Variants in TNRC6C observed in about 807,000 individuals in gnomAD.
The protein encoded by TNRC6C is trinucleotide repeat containing adaptor 6C.
TNRC6C carries 20 observed loss-of-function variants against 153.7 expected under a neutral mutation model. The observed-to-expected ratio is 0.13, with a 90% CI of 0.09 to 0.19. TNRC6C has a LOEUF of 0.19. Among genes scored for constraint, TNRC6C ranks in the 10% least tolerant of loss-of-function variants. The pLI, the probability that TNRC6C is intolerant of heterozygous loss-of-function variation, is 1.00. For synonymous variants in TNRC6C, 811 were observed against 841.4 expected (o/e 0.96, Z 0.63); for missense variants, 1,987 against 2,172.0 (o/e 0.91, Z 1.69).
In TNRC6C at chr17:78,079,385, C is replaced by T. The variant is rs1422713974; in HGVS notation, c.3211-10C>T. 20 of 1,613,516 alleles carry T rather than the reference C, an allele frequency of 1.2e-5. No homozygotes were observed. In the East Asian group the frequency reaches 2.2e-4, roughly 18 times the overall value. ...GCCTTGGTAACGTGTTTAATTCTGTCCCTGTGCAGATACCGAGTGGCAATC... is the reference window on the plus strand; with the variant it reads ...GCCTTGGTAACGTGTTTAATTCTGTTCCTGTGCAGATACCGAGTGGCAATC... On this transcript the variant is annotated splice_polypyrimidine_tract_variant and intron_variant, in intron 9 of 19. Transcript: ENST00000301624. This position sits in a 1 kb window ranked among gnomAD's most constrained non-coding sequence, Gnocchi z 4.3.
chr17:77,983,863 G>A (rs930253023), intron 1 of TNRC6C, among the ~76,000 whole-genome samples: 1 of 152,150 alleles, frequency 6.6e-6, no homozygotes, highest in Non-Finnish European at 1.5e-5. Context: ...ATTTTAAGGA[G>A]TAATTAATAT....
chr17:78,072,890 A>G (rs1260471990), intron 6 of TNRC6C, 147 bp from the exon 9 acceptor site: 16 of 531,126 alleles, frequency 3.0e-5, no homozygotes, highest in Non-Finnish European at 5.0e-5. Context: ...TTCAAAAGAC[A>G]TTGTCTCTAA....
intron 2 of TNRC6C, among the ~76,000 whole-genome samples, chr17:78,036,969 CAGTT>C (rs1429697561): frequency 6.6e-6 from 1 of 151,324 alleles, no homozygotes; most frequent in African/African-American, 2.4e-5. Flanking sequence ...CTTAGTCTGA[CAGTT>C]ATTTATTTCA....
chr17:78,011,436 T>C (rs529537922), intron 1 of TNRC6C, among the ~76,000 whole-genome samples: 1 of 152,362 alleles, frequency 6.6e-6, no homozygotes, highest in South Asian at 2.1e-4. Context: ...GAGGGACTCC[T>C]ACACTGTGCA....
At position 77,991,827 on chromosome 17, in the gene TNRC6C, A is replaced by G. The variant is rs532800498; in HGVS notation, c.-37-12343A>G. Among the ~76,000 whole-genome samples the G allele has an allele frequency of 7.9e-5, 12 of 152,338 alleles. 1 individual carries two copies. Among genetic ancestry groups the G allele is most frequent in the African/African-American group, 2.9e-4 (12 of 41,568 alleles). On this transcript the variant is annotated intron_variant, in intron 1 of 22. Transcript: ENST00000636222. ...TGTCACTTTTGGACCGCAGTGAAGAATATATGCTCTTTAGGGATACAGCGT... is the reference window on the plus strand; with the variant it reads ...TGTCACTTTTGGACCGCAGTGAAGAGTATATGCTCTTTAGGGATACAGCGT...
In TNRC6C at chr17:78,067,464, G is replaced by C. The variant is rs1333323632; in HGVS notation, c.2612-293G>C. Among the ~76,000 whole-genome samples the C allele has an allele frequency of 3.9e-5, 6 of 152,198 alleles. No individual in the cohort carries two copies. The South Asian group carries it at 1.0e-3, about 26-fold the overall frequency. The stretch of plus-strand genomic sequence containing the variant: ...TTGCCACCTTCCCTGGTGGCCCCAG[G>C]ATTTGTTCTTAGCATGTTTATGTTT... On this transcript the variant is annotated intron_variant, in intron 4 of 19. Coordinates refer to ENST00000301624, the Ensembl canonical transcript of TNRC6C.
intron 1 of TNRC6C, among the ~76,000 whole-genome samples, chr17:77,968,094 C>T (rs907887799): frequency 9.2e-5 from 14 of 152,224 alleles, no homozygotes; most frequent in Admixed American, 7.2e-4. Context: ...AGTGCTGTGG[C>T]ATGGTCTCAG....
upstream of TNRC6C, among the ~76,000 whole-genome samples, chr17:77,958,028 G>A (rs1048767538): frequency 3.3e-5 from 5 of 152,100 alleles, no homozygotes; most frequent in Non-Finnish European, 7.3e-5. Context: ...GAGCGACTGA[G>A]CGCAAGGGCG....
At position 78,006,583 on chromosome 17, in the gene TNRC6C, T is replaced by C. The variant is rs192289510; in HGVS notation, c.-546+1504T>C. On this transcript the variant is annotated intron_variant, in intron 1 of 19. Transcript: ENST00000301624. Reference sequence around the variant, plus strand: ...CTTCCTTCTTCCTTCTTCCTTCTTCTTCCTTCTTCCTTCTTCCTCCTTCTT... The same window carrying C: ...CTTCCTTCTTCCTTCTTCCTTCTTCCTCCTTCTTCCTTCTTCCTCCTTCTT... 8.1e-3 allele frequency among the ~76,000 whole-genome samples: 1,174 copies of C among 145,458 alleles called. 33 individuals carry two copies. The highest frequency in any genetic ancestry group is 0.029 in the African/African-American group (1,112 of 37,892).
intron 1 of TNRC6C, chr17:78,008,556 C>G (rs1002570633): frequency 1.4e-4 from 21 of 152,350 alleles, no homozygotes; most frequent in Admixed American, 1.2e-3. Flanking sequence ...GTTTCTTCCT[C>G]TTGACTCCCC....
At chr17:77,961,695 A>AT (rs1394155051) in intron 1 of TNRC6C, among the ~76,000 whole-genome samples, 1 of 152,150 alleles carries the variant, frequency 6.6e-6, no homozygotes, top group African/African-American at 2.4e-5. Context: ...TTACATTTAT[A>AT]TTTAGTTGGC....
At chr17:77,987,083 T>G (rs144906766) in intron 1 of TNRC6C, among the ~76,000 whole-genome samples, 96 of 152,242 alleles carry the variant, frequency 6.3e-4, no homozygotes, top group African/African-American at 2.3e-3. Context: ...AGACAAAAAC[T>G]GGGGGAAGTG....
At chr17:77,974,065 A>G (rs1474994674) in intron 1 of TNRC6C, among the ~76,000 whole-genome samples, 12 of 149,324 alleles carry the variant, frequency 8.0e-5, no homozygotes, top group South Asian at 2.1e-4. Context: ...GGGAGGGGGG[A>G]GAGAGAGAGA....
At chr17:78,013,112 CCA>C (rs1491494720) in intron 1 of TNRC6C, among the ~76,000 whole-genome samples, 2 of 150,844 alleles carry the variant, frequency 1.3e-5, no homozygotes, top group Non-Finnish European at 2.9e-5. Context: ...GCTATTCTAC[CCA>C]AAAAAGAGTT....
At chr17:77,992,010 CA>C (rs1181466291) in intron 1 of TNRC6C, among the ~76,000 whole-genome samples, 1 of 152,164 alleles carries the variant, frequency 6.6e-6, no homozygotes, top group Non-Finnish European at 1.5e-5. Context: ...CCTGTCTCAA[CA>C]AGATCGATTT....
chr17:78,093,249 C>G, intron 15 of TNRC6C, 125 bp downstream of exon 17: 1 of 1,104,768 alleles, frequency 9.1e-7, no homozygotes, highest in South Asian at 1.6e-5. Flanking sequence ...AAGCCCAGAG[C>G]TTTGGCATTT....
At chr17:78,077,375 ACCTG>A (rs779017273) in intron 9 of TNRC6C, 41 bp downstream of exon 11, 4 of 1,554,640 alleles carry the variant, frequency 2.6e-6, no homozygotes, top group Non-Finnish European at 3.5e-6. Context: ...CCTTTGTTTT[ACCTG>A]CCTTCTAAAA....
At chr17:78,103,610 T>C (rs2073635833) in intron 19 of TNRC6C, 57 bp downstream of exon 22, 2 of 1,608,026 alleles carry the variant, frequency 1.2e-6, no homozygotes, top group Non-Finnish European at 1.7e-6. Context: ...CCCCAGAGCA[T>C]TAGGTTAGGG....
intron 13 of TNRC6C, among the ~76,000 whole-genome samples, chr17:78,087,461 G>A (rs1056321028): frequency 6.8e-6 from 1 of 146,154 alleles, no homozygotes; most frequent in African/African-American, 2.6e-5. Context: ...ACGTTGTATA[G>A]AGCAGGAGTT....
Sources: allele counts gnomAD v4.1 joint callset (sites outside exome capture counted in the v4.1 genomes callset), GRCh38; gene constraint gnomAD v4.1.1; non-coding constraint Gnocchi (gnomAD v3.1); transcripts MANE v1.5; gene names NCBI Gene and HGNC (gene_info 2026-07-23, HGNC 2026-07-21).